Variants in DGKB observed in about 807,000 individuals in gnomAD.
DGKB encodes the protein diacylglycerol kinase beta.
A neutral mutation model predicts 114.3 loss-of-function variants in DGKB; 67 were observed. The ratio of observed to expected loss-of-function variants is 0.59; its 90% CI spans 0.48 to 0.72. The LOEUF is 0.72. Among genes scored for constraint, DGKB ranks in the 30% least tolerant of loss-of-function variants. DGKB has a pLI of 0.00. For missense variants in DGKB, 907 were observed against 975.2 expected (o/e 0.93, Z 0.93); for synonymous variants, 398 against 323.1 (o/e 1.23, Z -2.49).
Position 14,358,732 on chromosome 7 carries a change from A to T in DGKB, c.1836-13341T>A, listed in dbSNP as rs112830007. Reference sequence around the variant, plus strand: ...TACAAAGAGAATAAAATGCCTAGGAATCCAACTTACAAGGGATGGGAAGGA... The same window carrying T: ...TACAAAGAGAATAAAATGCCTAGGATTCCAACTTACAAGGGATGGGAAGGA... On this transcript the variant is annotated intron_variant, in intron 21 of 25. Coordinates refer to ENST00000402815, the MANE Select transcript of DGKB (RefSeq NM_001350709.2). Among the ~76,000 whole-genome samples, 743 of 152,290 alleles carry T rather than the reference A, an allele frequency of 4.9e-3. 9 individuals carry two copies. Among genetic ancestry groups the T allele is most frequent in the African/African-American group, 0.017 (713 of 41,556 alleles).
At chr7:14,318,130 T>A (rs1490390273) in intron 23 of DGKB, among the ~76,000 whole-genome samples, 1 of 91,266 alleles carries the variant, frequency 1.1e-5, no homozygotes, top group African/African-American at 4.0e-5. Context: ...TATACAAAAA[T>A]CAATTCAAGA....
At chr7:14,904,015 G>C (rs1034198975), upstream of DGKB, among the ~76,000 whole-genome samples, 44 of 152,132 alleles carry the variant, frequency 2.9e-4, no homozygotes, top group African/African-American at 1.0e-3. Flanking sequence ...ACTTTCATTT[G>C]CTCTCCTTAT....
chr7:14,780,413 A>T (rs1328712884), intron 2 of DGKB, among the ~76,000 whole-genome samples: 1 of 152,170 alleles, frequency 6.6e-6, no homozygotes, highest in African/African-American at 2.4e-5. Context: ...ACTTAGCACC[A>T]TTTACAACAA....
At chr7:14,827,859 G>A (rs953390057) in intron 2 of DGKB, among the ~76,000 whole-genome samples, 6 of 151,968 alleles carry the variant, frequency 3.9e-5, no homozygotes, top group African/African-American at 1.4e-4. Context: ...TCAGGCTATT[G>A]AGAAAGTTAT....
chr7:14,653,869 A>G (rs1225596854), intron 13 of DGKB, among the ~76,000 whole-genome samples: 4 of 152,102 alleles, frequency 2.6e-5, no homozygotes, highest in East Asian at 1.9e-4. Context: ...AATTGGACAT[A>G]GAATTAGATA....
intron 17 of DGKB, among the ~76,000 whole-genome samples, chr7:14,599,514 T>C (rs147934516): frequency 3.7e-4 from 57 of 152,294 alleles, no homozygotes; most frequent in African/African-American, 1.3e-3. Flanking sequence ...TACCTCCTCA[T>C]CTTCACATCT....
At chr7:14,965,990 T>A (rs1196164944) in intron 1 of DGKB, among the ~76,000 whole-genome samples, 1 of 152,160 alleles carries the variant, frequency 6.6e-6, no homozygotes, top group Non-Finnish European at 1.5e-5. Context: ...GGAGATTTTT[T>A]TCTTTAAGAA....
At chr7:14,931,398 C>G (rs1399076688) in intron 1 of DGKB, among the ~76,000 whole-genome samples, 1 of 152,236 alleles carries the variant, frequency 6.6e-6, no homozygotes, top group Non-Finnish European at 1.5e-5. Flanking sequence ...GCGTGAGCCA[C>G]CGTGCCCAGC....
intron 23 of DGKB, among the ~76,000 whole-genome samples, chr7:14,206,633 A>G (rs951905753): frequency 2.0e-4 from 30 of 152,050 alleles, no homozygotes; most frequent in African/African-American, 7.0e-4. Flanking sequence ...AAACAACATA[A>G]TCAGATTTTT....
chr7:14,903,583 G>C (rs1474952437), upstream of DGKB, among the ~76,000 whole-genome samples: 1 of 152,138 alleles, frequency 6.6e-6, no homozygotes, highest in African/African-American at 2.4e-5. Flanking sequence ...ATCTGCCGAA[G>C]CCACTTCTAC....
At chr7:14,611,387 T>G (rs1388579013) in intron 16 of DGKB, among the ~76,000 whole-genome samples, 1 of 152,254 alleles carries the variant, frequency 6.6e-6, no homozygotes, top group South Asian at 2.1e-4. Flanking sequence ...TTGATTGATA[T>G]GGAAAAGTTT....
intron 2 of DGKB, among the ~76,000 whole-genome samples, chr7:14,808,024 C>T (rs758858644): frequency 2.6e-5 from 4 of 151,918 alleles, no homozygotes; most frequent in African/African-American, 7.2e-5. Context: ...ATTATAATGA[C>T]TAAAATAATT....
intron 23 of DGKB, among the ~76,000 whole-genome samples, chr7:14,323,663 G>C (rs1020564362): frequency 6.6e-6 from 1 of 152,146 alleles, no homozygotes; most frequent in African/African-American, 2.4e-5. Flanking sequence ...CAATGCAAAG[G>C]CTTTGAGATG....
intron 2 of DGKB, among the ~76,000 whole-genome samples, chr7:14,826,493 A>G (rs1339217704): frequency 6.6e-6 from 1 of 151,900 alleles, no homozygotes; most frequent in Non-Finnish European, 1.5e-5. Flanking sequence ...CTTTCTTTCT[A>G]TTTGCATTCC....
intron 20 of DGKB, among the ~76,000 whole-genome samples, chr7:14,550,288 A>G (rs1794927319): frequency 7.1e-6 from 1 of 141,278 alleles, no homozygotes. Flanking sequence ...AGTGTGACTT[A>G]CTTAATAAAA....
chr7:14,281,049 A>T (rs991230302), intron 23 of DGKB, among the ~76,000 whole-genome samples: 1 of 149,950 alleles, frequency 6.7e-6, no homozygotes, highest in African/African-American at 2.4e-5. Flanking sequence ...TGCTCCAATT[A>T]AAAGACACAG....
intron 23 of DGKB, among the ~76,000 whole-genome samples, chr7:14,200,612 C>CCCATTTAT (rs1785713615): frequency 6.6e-6 from 1 of 151,938 alleles, no homozygotes; most frequent in South Asian, 2.1e-4. Flanking sequence ...GATTTCTTTG[C>CCCATTTAT]CCATTTATCC....
At chr7:14,368,573 C>CTG (rs3069084) in intron 21 of DGKB, among the ~76,000 whole-genome samples, 8,838 of 148,236 alleles carry the variant, frequency 0.06, 769 homozygotes, top group African/African-American at 0.19. Context: ...GGTATTTTCT[C>CTG]TGTGTGTGTG....
At chr7:14,300,609 T>TCTTA (rs1803369977) in intron 23 of DGKB, among the ~76,000 whole-genome samples, 1 of 152,106 alleles carries the variant, frequency 6.6e-6, no homozygotes, top group African/African-American at 2.4e-5. Context: ...TTAAATATTC[T>TCTTA]CTTAGTTTTA....
Sources: allele counts gnomAD v4.1 joint callset (sites outside exome capture counted in the v4.1 genomes callset), GRCh38; gene constraint gnomAD v4.1.1; transcripts MANE v1.5; gene names NCBI Gene and HGNC (gene_info 2026-07-23, HGNC 2026-07-21).